The following NXPE4 variants were observed in gnomAD, a reference collection of about 807,000 sequenced individuals.
NXPE4 encodes neurexophilin and PC-esterase domain family member 4, also known as NXPE family member 4.
In NXPE4, 42 loss-of-function variants were observed where a neutral mutation model predicts 33.3. That is an observed-to-expected ratio of 1.26 (90% CI 0.98 to 1.63). The LOEUF (loss-of-function observed/expected upper bound fraction) is 1.63, where lower values mean the gene tolerates loss of function less well. Ranked by LOEUF, NXPE4 falls within the 40% of genes most tolerant of loss-of-function variation. The pLI, the probability that NXPE4 is intolerant of heterozygous loss-of-function variation, is 0.00. For missense variants in NXPE4, 709 were observed against 647.6 expected (o/e 1.09, Z -1.03); for synonymous variants, 253 against 234.9 (o/e 1.08, Z -0.71).
At chr11:114,640,640 A>G in the NXPE4 span, among the ~76,000 whole-genome samples, 185 of 152,026 alleles carry the variant, frequency 1.2e-3, 1 homozygote, top group African/African-American at 4.2e-3. Flanking sequence ...CTTTTTAATA[A>G]TGGCCATTCT....
the NXPE4 span, among the ~76,000 whole-genome samples, chr11:114,643,942 G>A: frequency 6.6e-6 from 1 of 152,074 alleles, no homozygotes; most frequent in Admixed American, 6.6e-5. Flanking sequence ...ATTTTCTTGA[G>A]CAGTGATTTG....
At chr11:114,652,090 A>AT in the NXPE4 span, among the ~76,000 whole-genome samples, 10 of 151,962 alleles carry the variant, frequency 6.6e-5, no homozygotes, top group South Asian at 8.3e-4. Flanking sequence ...CAATACTTAA[A>AT]TTTTTTTTTA....
At chr11:114,669,865 A>G in the NXPE4 span, among the ~76,000 whole-genome samples, 1 of 152,102 alleles carries the variant, frequency 6.6e-6, no homozygotes, top group Admixed American at 6.6e-5. Flanking sequence ...AACACTAAGC[A>G]TGTGGGAGTT....
chr11:114,635,737 CT>C, the NXPE4 span, among the ~76,000 whole-genome samples: 20 of 152,078 alleles, frequency 1.3e-4, no homozygotes, highest in Admixed American at 8.5e-4. Flanking sequence ...TGGTTTTTGT[CT>C]TTGGTTCTGT....
At chr11:114,659,373 C>A in the NXPE4 span, among the ~76,000 whole-genome samples, 11 of 149,788 alleles carry the variant, frequency 7.3e-5, 1 homozygote, top group South Asian at 1.9e-3. Context: ...GAAGAGTTGA[C>A]AAGCATGAGG....
the NXPE4 span, among the ~76,000 whole-genome samples, chr11:114,671,167 T>C: frequency 6.6e-6 from 1 of 150,700 alleles, no homozygotes; most frequent in Non-Finnish European, 1.5e-5. Flanking sequence ...TAACTAGTGA[T>C]ACTTAACAGT....
chr11:114,577,771 C>T (rs763767255), intron 5 of NXPE4, among the ~76,000 whole-genome samples: 2 of 152,070 alleles, frequency 1.3e-5, no homozygotes, highest in African/African-American at 2.4e-5. Context: ...TTGGTCTTTA[C>T]ATAAAAAACA....
At chr11:114,662,562 T>C in the NXPE4 span, among the ~76,000 whole-genome samples, 8 of 152,138 alleles carry the variant, frequency 5.3e-5, no homozygotes, top group Admixed American at 2.0e-4. Context: ...AGACACCAGC[T>C]GCGGTGGCTA....
the NXPE4 span, among the ~76,000 whole-genome samples, chr11:114,615,841 A>ACCACTGT: frequency 2.6e-5 from 4 of 151,758 alleles, no homozygotes; most frequent in African/African-American, 9.7e-5. Flanking sequence ...CCTGTGGATA[A>ACCACTGT]TAAGAGATGC....
chr11:114,671,129 GA>G, the NXPE4 span, among the ~76,000 whole-genome samples: 18 of 149,408 alleles, frequency 1.2e-4, no homozygotes, highest in African/African-American at 3.7e-4. Context: ...TTCTGGAGTT[GA>G]AAAGTACAAT....
the NXPE4 span, among the ~76,000 whole-genome samples, chr11:114,615,933 C>T: frequency 4.9e-5 from 7 of 141,740 alleles, no homozygotes; most frequent in South Asian, 2.3e-4. Context: ...TAATATGTAT[C>T]GACTTATGGG....
chr11:114,611,211 C>T, the NXPE4 span, among the ~76,000 whole-genome samples: 1 of 151,674 alleles, frequency 6.6e-6, no homozygotes, highest in Admixed American at 6.6e-5. Flanking sequence ...ATAAGTAGTA[C>T]TGCATGGGTA....
At chr11:114,585,900 C>T (rs11215076) in intron 2 of NXPE4, among the ~76,000 whole-genome samples, 28,271 of 152,082 alleles carry the variant, frequency 0.19, 2,968 homozygotes, top group African/African-American at 0.28. Flanking sequence ...AACATGGAGG[C>T]TCCATCTTCC....
At chr11:114,648,109 C>G in the NXPE4 span, among the ~76,000 whole-genome samples, 3 of 151,948 alleles carry the variant, frequency 2.0e-5, no homozygotes, top group East Asian at 1.9e-4. Flanking sequence ...CTCCAAAAAC[C>G]CTTAGAATCT....
chr11:114,638,223 A>T, the NXPE4 span, among the ~76,000 whole-genome samples: 2 of 151,964 alleles, frequency 1.3e-5, no homozygotes, highest in Non-Finnish European at 2.9e-5. Context: ...TTCGTCTTTC[A>T]TCACTGATAC....
At chr11:114,663,638 A>ATCATCTATCTATCATCTC in the NXPE4 span, among the ~76,000 whole-genome samples, 1 of 7,772 alleles carries the variant, frequency 1.3e-4, no homozygotes, top group Admixed American at 2.4e-3. Context: ...TCTATCTATC[A>ATCATCTATCTATCATCTC]TCTATCCATC....
the NXPE4 span, among the ~76,000 whole-genome samples, chr11:114,646,449 C>T: frequency 2.6e-5 from 4 of 151,918 alleles, no homozygotes; most frequent in East Asian, 3.9e-4. Context: ...TGAAAACATT[C>T]TTGTATTCTT....
At chr11:114,601,621 T>C in the NXPE4 span, among the ~76,000 whole-genome samples, 1 of 2,028 alleles carries the variant, frequency 4.9e-4, no homozygotes, top group Admixed American at 8.6e-3. Context: ...AATTATATAT[T>C]ATATATTATT....
In NXPE4 at chr11:114,582,994, A is replaced by G; in HGVS notation, c.124T>C (p.Ser42Pro). 9.3e-6 allele frequency: 15 copies of G among 1,613,186 alleles called. No homozygotes were observed. Among genetic ancestry groups the G allele is most frequent in the Non-Finnish European group, 1.3e-5 (15 of 1,179,832 alleles). ...KVWSALNLSI[S>P]LHYWNNSTKS... ...GTGGAGTTGTTCCAGTAATGGAGGG[A>G]GATGGATAAGTTTAGAGCAGACCAA... The change falls in exon 3 of 6, where the codon TCC becomes CCC. Residue 42 changes from serine (S) to proline (P), a missense_variant. By Grantham distance (74) the Ser-to-Pro change is moderately conservative. Coordinates refer to ENST00000375478, the MANE Select transcript of NXPE4 (RefSeq NM_001077639.2).
Sources: allele counts gnomAD v4.1 joint callset (sites outside exome capture counted in the v4.1 genomes callset), GRCh38; gene constraint gnomAD v4.1.1; transcripts MANE v1.5; gene names NCBI Gene and HGNC (gene_info 2026-07-23, HGNC 2026-07-21).